HOMER2: variants seen among roughly 807,000 people sequenced by gnomAD.
HOMER2 encodes homer protein homolog 2.
In HOMER2, 27 loss-of-function variants were observed where a neutral mutation model predicts 47.0. The observed-to-expected ratio is 0.57, with a 90% CI of 0.42 to 0.79. The LOEUF (loss-of-function observed/expected upper bound fraction) is 0.79. Among genes scored for constraint, HOMER2 ranks in the 30% least tolerant of loss-of-function variants. HOMER2 has a pLI of 0.00. For missense variants in HOMER2, 443 were observed against 435.0 expected (o/e 1.02, Z -0.16); for synonymous variants, 161 against 163.8 (o/e 0.98, Z 0.13).
intron 2 of HOMER2, among the ~76,000 whole-genome samples, chr15:82,882,980 G>C (rs1460186580): frequency 6.6e-5 from 3 of 45,678 alleles, no homozygotes; most frequent in Non-Finnish European, 7.7e-5. Flanking sequence ...TGCCATGCTG[G>C]TGCGCTGCAC....
chr15:82,931,752 C>T (rs1013145096), intron 1 of HOMER2, among the ~76,000 whole-genome samples: 13 of 152,112 alleles, frequency 8.5e-5, no homozygotes, highest in African/African-American at 2.9e-4. Flanking sequence ...GCAGGAGAAT[C>T]GCTTGAACCC....
At chr15:82,937,541 G>A (rs149875217) in intron 1 of HOMER2, among the ~76,000 whole-genome samples, 8 of 152,124 alleles carry the variant, frequency 5.3e-5, no homozygotes, top group African/African-American at 1.7e-4. Flanking sequence ...GACATTATCC[G>A]CTCCCATGGA....
intron 1 of HOMER2, among the ~76,000 whole-genome samples, chr15:82,941,124 A>C (rs1018402699): frequency 6.6e-6 from 1 of 151,912 alleles, no homozygotes; most frequent in African/African-American, 2.4e-5. Context: ...TCCAATCTCC[A>C]TACTACCCTT....
At chr15:82,868,542 T>TA (rs370867216) in intron 3 of HOMER2, among the ~76,000 whole-genome samples, 11,141 of 41,490 alleles carry the variant, frequency 0.27, 1,693 homozygotes, top group East Asian at 0.56. Flanking sequence ...TATATATATA[T>TA]TTTTTTTTTT....
intron 5 of HOMER2, among the ~76,000 whole-genome samples, chr15:82,857,812 C>A (rs958302711): frequency 6.6e-6 from 1 of 152,186 alleles, no homozygotes; most frequent in African/African-American, 2.4e-5. Context: ...TGAACCCCTA[C>A]CCCTGGCCAG....
exon 2 of HOMER2, chr15:82,837,108 T>TC (rs1298534162): frequency 6.6e-6 from 1 of 152,464 alleles, no homozygotes; most frequent in Non-Finnish European, 1.5e-5. Context: ...TTGCCCCTGT[T>TC]CCTTGGCTTG....
upstream of HOMER2, among the ~76,000 whole-genome samples, chr15:82,953,830 C>A (rs1387514536): frequency 6.6e-6 from 1 of 152,140 alleles, no homozygotes; most frequent in African/African-American, 2.4e-5. Context: ...TTGTAGTGAG[C>A]CGAGATCGCA....
chr15:82,968,607 G>C (rs902829337), intron 1 of HOMER2, among the ~76,000 whole-genome samples: 1 of 152,148 alleles, frequency 6.6e-6, no homozygotes, highest in South Asian at 2.1e-4. Context: ...ACACTGTTCT[G>C]CAGTTGGTCT....
chr15:82,875,686 G>T (rs1470252646), intron 2 of HOMER2, among the ~76,000 whole-genome samples: 2 of 152,138 alleles, frequency 1.3e-5, no homozygotes, highest in Non-Finnish European at 2.9e-5. Context: ...CCTAAACAAA[G>T]AATAGTTTCC....
chr15:82,948,304 T>C (rs1251553502), intron 1 of HOMER2, among the ~76,000 whole-genome samples: 5 of 145,862 alleles, frequency 3.4e-5, no homozygotes, highest in Non-Finnish European at 5.9e-5. Context: ...GGCAGGAGAA[T>C]GGCGTGAACC....
At chr15:82,899,564 C>T (rs1477158472) in intron 1 of HOMER2, among the ~76,000 whole-genome samples, 2 of 152,238 alleles carry the variant, frequency 1.3e-5, no homozygotes, top group Non-Finnish European at 1.5e-5. Flanking sequence ...AAAATCCACA[C>T]AGTAACGTTA....
rs80323545 is a variant in HOMER2, at chr15:82,869,111, G to A, written c.295-4852C>T. ...TGCTCCTCTCGACACACTGCCTACA[G>A]GGTATCCCTGCTTTGCAGGAGCAGC... On this transcript the variant is annotated intron_variant, in intron 3 of 8. Coordinates refer to ENST00000450735, the MANE Select transcript of HOMER2 (RefSeq NM_004839.4). Among the ~76,000 whole-genome samples the A allele has an allele frequency of 7.9e-3, 1,205 of 152,288 alleles. 14 individuals are homozygous for A. Among genetic ancestry groups the A allele is most frequent in the African/African-American group, 0.026 (1,094 of 41,552 alleles).
chr15:82,936,014 G>A (rs1596368940), intron 1 of HOMER2, among the ~76,000 whole-genome samples: 1 of 152,134 alleles, frequency 6.6e-6, no homozygotes, highest in East Asian at 1.9e-4. Flanking sequence ...GCCAGTCCAT[G>A]CCTCAGCTCA....
chr15:82,863,657 A>C (rs2051866232), intron 4 of HOMER2, among the ~76,000 whole-genome samples: 1 of 152,184 alleles, frequency 6.6e-6, no homozygotes, highest in Non-Finnish European at 1.5e-5. Context: ...TTTCAGATTA[A>C]AATAGGTCCT....
Position 82,913,011 on chromosome 15 carries a change from GA to G in HOMER2, c.6-20171del, listed in dbSNP as rs2053490477. Among the ~76,000 whole-genome samples the G allele has an allele frequency of 6.6e-6, 1 of 152,158 alleles. No individual in the cohort carries two copies. The highest frequency in any genetic ancestry group is 6.5e-5 in the Admixed American group (1 of 15,270). On this transcript the variant is annotated intron_variant, in intron 1 of 8. Coordinates refer to ENST00000450735, the MANE Select transcript of HOMER2 (RefSeq NM_004839.4). The surrounding 1 kb of genome is among the most constrained non-coding windows in gnomAD (Gnocchi z 4.1). The stretch of plus-strand genomic sequence containing the variant: ...AGGAAAATTTTAAATAATGCTCTTA[GA>G]AATACTGAAAACACAGAAAACTGGG...
chr15:82,896,517 CA>C (rs1438623877), intron 1 of HOMER2, among the ~76,000 whole-genome samples: 2 of 152,220 alleles, frequency 1.3e-5, no homozygotes, highest in Non-Finnish European at 2.9e-5. Flanking sequence ...CACAATGGCT[CA>C]CCTGGCCACA....
intron 1 of HOMER2, among the ~76,000 whole-genome samples, chr15:82,905,928 A>C (rs1215029957): frequency 2.0e-5 from 3 of 152,218 alleles, no homozygotes; most frequent in Admixed American, 2.0e-4. Context: ...GTTATTCTTA[A>C]TTGATCTAAC....
chr15:82,950,677 C>A (rs1030507320), intron 1 of HOMER2, among the ~76,000 whole-genome samples: 2 of 152,244 alleles, frequency 1.3e-5, no homozygotes, highest in Middle Eastern at 3.4e-3. Context: ...TACAAACCAG[C>A]CTTTATCTAC....
rs772571482 is a variant in HOMER2 at position 82,852,256 on chromosome 15, C to T, written c.652-4G>A. 5 of 1,603,172 alleles carry T rather than the reference C, an allele frequency of 3.1e-6. No homozygotes were observed. Among genetic ancestry groups the T allele is most frequent in the Middle Eastern group, 3.3e-4 (2 of 6,048 alleles). ...ATTGTTCTTCCAGCTCATCAATCTT[C>T]AATACACACCACACAGGAAAGCAGG... On this transcript the variant is annotated splice_region_variant and splice_polypyrimidine_tract_variant and intron_variant, in intron 6 of 8. Coordinates refer to ENST00000450735, the MANE Select transcript of HOMER2 (RefSeq NM_004839.4).
Sources: gnomAD v4.1 joint callset for allele counts (sites outside exome capture counted in the v4.1 genomes callset) on GRCh38, gnomAD v4.1.1 for gene constraint, Gnocchi (gnomAD v3.1) non-coding constraint, MANE v1.5 for transcripts, NCBI Gene and HGNC (gene_info 2026-07-23, HGNC 2026-07-21) for gene names.